SGF29: variants seen among roughly 807,000 people sequenced by gnomAD.
SGF29 encodes SAGA complex associated factor 29.
In SGF29, 15 loss-of-function variants were observed where a neutral mutation model predicts 38.1. The ratio of observed to expected loss-of-function variants is 0.39; its 90% CI spans 0.26 to 0.61. The LOEUF is 0.61. SGF29 is among the 20% of genes least tolerant of loss of function. SGF29 has a pLI of 0.49. For missense variants in SGF29, 184 were observed against 394.6 expected, an observed-to-expected ratio of 0.47 and a Z score of 4.52; for synonymous variants, 151 against 160.8, an observed-to-expected ratio of 0.94 and a Z score of 0.46.
chr16:28,585,474 G>A lies in SGF29; in HGVS notation c.152-174G>A, dbSNP rs906887908. 2.4e-5 allele frequency: 15 copies of A among 634,624 alleles called. 1 individual carries two copies. The highest frequency in any genetic ancestry group is 5.0e-5 in the Admixed American group (2 of 39,802). The allele number at this position is 634,624 out of a possible 1,614,324, so 39.3% of individuals were successfully genotyped here. On this transcript the variant is annotated intron_variant, in intron 3 of 9. Coordinates refer to ENST00000317058, the MANE Select transcript of SGF29 (RefSeq NM_138414.3). The stretch of plus-strand genomic sequence containing the variant: ...TGGCATTTGTACCATATGGAAATGC[G>A]GACTCATGGAGCCTGGGGGCATCCG...
intron 1 of SGF29, among the ~76,000 whole-genome samples, chr16:28,575,034 C>T (rs1056457577): frequency 5.9e-5 from 9 of 152,186 alleles, no homozygotes; most frequent in African/African-American, 1.7e-4. Context: ...TACATACTTA[C>T]CATAAATCCT....
intron 1 of SGF29, among the ~76,000 whole-genome samples, chr16:28,578,203 G>A (rs1034535193): frequency 3.3e-5 from 5 of 151,526 alleles, no homozygotes; most frequent in Admixed American, 1.3e-4. Flanking sequence ...TTTGCTATGA[G>A]TTCTAACCTT....
chr16:28,585,338 T>C (rs907484945), intron 3 of SGF29: 22 of 527,298 alleles, frequency 4.2e-5, no homozygotes, highest in African/African-American at 4.0e-4. Context: ...GGGCTGGGGC[T>C]TTCTTACTCT....
rs1032800622 is a variant in SGF29 at position 28,590,497 on chromosome 16, C to T, written c.566+55C>T. On this transcript the variant is annotated intron_variant, in intron 7 of 9. Transcript: ENST00000317058. This position sits in a 1 kb window ranked among gnomAD's most constrained non-coding sequence, Gnocchi z 8.2. ...CTGGTCACCGAACTTGCCTGGGCTA[C>T]GGGAGAAAAGCTCTGCAGAGGGTGC... is the stretch of plus-strand genomic sequence containing the variant. The T allele has an allele frequency of 4.0e-5, 64 of 1,613,568 alleles. No individual in the cohort carries two copies. Among genetic ancestry groups the T allele is most frequent in the African/African-American group, 6.7e-5 (5 of 74,906 alleles).
In SGF29 at chr16:28,581,058, C is replaced by G; in HGVS notation, c.-12C>G. On this transcript the variant is annotated 5_prime_UTR_variant, in exon 2 of 10. Transcript: ENST00000317058. ...TCTGTCCTCGCTCCCCCACCAGGTG[C>G]CCCTGTAGACAATGGCCCTCGTGTC... 2 of 1,612,942 alleles carry G rather than the reference C, an allele frequency of 1.2e-6. No homozygotes were observed. The highest frequency in any genetic ancestry group is 2.2e-5 in the South Asian group (2 of 90,902).
chr16:28,581,972 C>T (rs2046928549), intron 2 of SGF29, among the ~76,000 whole-genome samples: 1 of 151,402 alleles, frequency 6.6e-6, no homozygotes, highest in African/African-American at 2.4e-5. Flanking sequence ...TTCACAGATA[C>T]AAGGGAGATG....
intron 1 of SGF29, among the ~76,000 whole-genome samples, chr16:28,569,583 T>C (rs1183099748): frequency 6.6e-6 from 1 of 151,952 alleles, no homozygotes; most frequent in African/African-American, 2.4e-5. Context: ...ACCTGGGAGA[T>C]TGAGGCTGCA....
At chr16:28,580,313 C>T (rs914609722) in intron 1 of SGF29, among the ~76,000 whole-genome samples, 3 of 152,178 alleles carry the variant, frequency 2.0e-5, no homozygotes, top group African/African-American at 7.2e-5. Context: ...TTACTGCAAG[C>T]TGGGTGGCTT....
In SGF29 at chr16:28,590,782, C is replaced by A; in HGVS notation, c.612C>A (p.Thr204=). 1.2e-6 allele frequency: 2 copies of A among 1,614,058 alleles called. No individual in the cohort carries two copies. Among genetic ancestry groups the A allele is most frequent in the South Asian group, 1.1e-5 (1 of 91,084 alleles). ...DIDEEGKERH[T]LSRRRVIPLP... ...GCCCCTCTTCCCCCAGGAGACACACCCTGAGCCGGCGCCGTGTCATCCCGC... is the reference window on the plus strand; with the variant it reads ...GCCCCTCTTCCCCCAGGAGACACACACTGAGCCGGCGCCGTGTCATCCCGC... The change falls in exon 9 of 10, where the codon ACC becomes ACA. Residue 204 remains threonine, a synonymous_variant. Coordinates refer to ENST00000317058, the MANE Select transcript of SGF29 (RefSeq NM_138414.3). This position sits in a 1 kb window ranked among gnomAD's most constrained non-coding sequence, Gnocchi z 8.2.
chr16:28,570,871 C>G (rs2046860992), intron 1 of SGF29, among the ~76,000 whole-genome samples: 1 of 152,030 alleles, frequency 6.6e-6, no homozygotes, highest in Non-Finnish European at 1.5e-5. Flanking sequence ...TACACCACAC[C>G]CAGCCACCCA....
chr16:28,556,455 C>T (rs1245559486), intron 1 of SGF29, among the ~76,000 whole-genome samples: 1 of 152,196 alleles, frequency 6.6e-6, no homozygotes, highest in African/African-American at 2.4e-5. Context: ...TCAAGCGATT[C>T]TCCTGCCTCA....
chr16:28,572,400 C>G (rs2046870348), intron 1 of SGF29, among the ~76,000 whole-genome samples: 1 of 152,198 alleles, frequency 6.6e-6, no homozygotes, highest in African/African-American at 2.4e-5. Flanking sequence ...CTCCGAGTAG[C>G]TGGGATTACA....
At chr16:28,569,226 G>A (rs2046850899) in intron 1 of SGF29, among the ~76,000 whole-genome samples, 1 of 152,252 alleles carries the variant, frequency 6.6e-6, no homozygotes, top group Non-Finnish European at 1.5e-5. Context: ...GAACAAAGTG[G>A]TGAGGGGGTG....
chr16:28,571,585 C>T (rs937181265), intron 1 of SGF29, among the ~76,000 whole-genome samples: 1 of 133,626 alleles, frequency 7.5e-6, no homozygotes, highest in Non-Finnish European at 1.6e-5. Flanking sequence ...GAACTAGACT[C>T]CGCCTTAAAA....
At chr16:28,586,849 T>A (rs956299582) in intron 4 of SGF29, among the ~76,000 whole-genome samples, 1 of 152,156 alleles carries the variant, frequency 6.6e-6, no homozygotes, top group Non-Finnish European at 1.5e-5. Flanking sequence ...TATTTTCCAT[T>A]GTGTGATTGA....
chr16:28,587,068 A>G (rs953766235), intron 4 of SGF29, among the ~76,000 whole-genome samples: 1 of 151,484 alleles, frequency 6.6e-6, no homozygotes, highest in Non-Finnish European at 1.5e-5. Context: ...CTGGTCTTGA[A>G]CTCCTCAGCT....
rs148414167 is a variant in SGF29, at chr16:28,568,313, CAA to C, written c.-15-12719_-15-12718del. Among the ~76,000 whole-genome samples, 123 of 54,256 alleles carry C rather than the reference CAA, an allele frequency of 2.3e-3. No individual in the cohort carries two copies. The Middle Eastern group carries it at 0.03, about 13-fold the overall frequency. 35.6% of individuals were successfully genotyped at this position (54,256 alleles called of 152,430 possible). On this transcript the variant is annotated intron_variant, in intron 1 of 9. Transcript: ENST00000317058. ...GGGCAGCAAGAGCAAAACTCCATCT[CAA>C]AAAAAAAAAAAAAAAAAAAAAAGTT... is the stretch of plus-strand genomic sequence containing the variant.
chr16:28,582,795 C>T (rs977703034), intron 2 of SGF29, among the ~76,000 whole-genome samples: 4 of 152,024 alleles, frequency 2.6e-5, no homozygotes, highest in Non-Finnish European at 5.9e-5. Context: ...ATTAGCCGGG[C>T]GTGGTGGTAC....
chr16:28,573,695 A>G (rs915421372), intron 1 of SGF29, among the ~76,000 whole-genome samples: 3 of 152,128 alleles, frequency 2.0e-5, no homozygotes, highest in Admixed American at 6.5e-5. Flanking sequence ...TTTAGGGTGA[A>G]GGCAGAGGTG....
Sources: gnomAD v4.1 joint callset for allele counts (sites outside exome capture counted in the v4.1 genomes callset) on GRCh38, gnomAD v4.1.1 for gene constraint, Gnocchi (gnomAD v3.1) non-coding constraint, MANE v1.5 for transcripts, NCBI Gene and HGNC (gene_info 2026-07-23, HGNC 2026-07-21) for gene names.